TXNRD3: variants seen among roughly 807,000 people sequenced by gnomAD.
TXNRD3 encodes TXNRD3 neighbor gene protein.
TXNRD3 carries 68 observed loss-of-function variants against 78.2 expected under a neutral mutation model. The observed-to-expected ratio is 0.87, with a 90% CI of 0.72 to 1.06. The LOEUF (loss-of-function observed/expected upper bound fraction) is 1.06, where lower values mean the gene tolerates loss of function less well. Among genes scored for constraint, TXNRD3 ranks in the 50% least tolerant of loss-of-function variants. The pLI is 0.00. For synonymous variants in TXNRD3, 296 were observed against 300.1 expected, an observed-to-expected ratio of 0.99 and a Z score of 0.14; for missense variants, 751 against 809.5, an observed-to-expected ratio of 0.93 and a Z score of 0.88.
At chr3:126,630,468 G>C (rs553264448) in intron 9 of TXNRD3, among the ~76,000 whole-genome samples, 1 of 152,138 alleles carries the variant, frequency 6.6e-6, no homozygotes, top group Non-Finnish European at 1.5e-5. Flanking sequence ...ACTGAAGATG[G>C]AACATCCTTG....
intron 13 of TXNRD3, among the ~76,000 whole-genome samples, chr3:126,612,814 C>T (rs375454302): frequency 2.6e-4 from 40 of 152,320 alleles, no homozygotes; most frequent in Admixed American, 6.5e-4. Context: ...CAACTTCCAA[C>T]TTTACATTTT....
chr3:126,631,016 C>CTTATACA, intron 8 of TXNRD3, 79 bp from the exon 9 acceptor site: 1 of 1,299,954 alleles, frequency 7.7e-7, no homozygotes, highest in Non-Finnish European at 1.0e-6. Flanking sequence ...GTATAATGGT[C>CTTATACA]TTGTGATGAC....
chr3:126,630,909 G>C lies in TXNRD3; in HGVS notation c.1000C>G (p.Pro334Ala). ...GCACCCACCACTAATGTTTTGCCAG[G>C]GCAATAAGGCAGAGAAAAAAGGTCA... is the stretch of plus-strand genomic sequence containing the variant. Residue 334 changes from proline to alanine, a missense_variant, in exon 9 of 16, where the codon CCT becomes GCT. Physicochemically the swap from Pro to Ala is conservative, Grantham distance 27 (BLOSUM62 -1). Coordinates refer to ENST00000524230, the MANE Select transcript of TXNRD3 (RefSeq NM_052883.3). 5 of 1,535,818 alleles carry C rather than the reference G, an allele frequency of 3.3e-6. No individual in the cohort carries two copies. Among genetic ancestry groups the C allele is most frequent in the Non-Finnish European group, 4.4e-6 (5 of 1,146,814 alleles).
intron 10 of TXNRD3, among the ~76,000 whole-genome samples, chr3:126,628,577 C>T (rs1191162141): frequency 6.6e-6 from 1 of 151,922 alleles, no homozygotes; most frequent in Admixed American, 6.6e-5. Flanking sequence ...TTTGTGACTA[C>T]ATATAAATTA....
chr3:126,647,327 T>G (rs1176893479), intron 1 of TXNRD3, 31 bp from the exon 2 acceptor site: 2 of 1,444,444 alleles, frequency 1.4e-6, no homozygotes, highest in Non-Finnish European at 1.9e-6. Context: ...AGTTTCACTC[T>G]CAGAAAAGAT....
intron 9 of TXNRD3, among the ~76,000 whole-genome samples, 200 bp downstream of exon 9, chr3:126,630,511 TC>T (rs1038086695): frequency 2.0e-5 from 3 of 152,054 alleles, no homozygotes; most frequent in Admixed American, 6.5e-5. Flanking sequence ...ATGAGGGGAC[TC>T]AGCCTCTGAG....
intron 7 of TXNRD3, 90 bp downstream of exon 7, chr3:126,633,819 C>T (rs1938784680): frequency 9.1e-7 from 1 of 1,100,962 alleles, no homozygotes; most frequent in African/African-American, 1.6e-5. Context: ...CTGTTACACC[C>T]CTTAACATGC....
In TXNRD3 at chr3:126,611,066, C is replaced by G. The variant is rs545536726; in HGVS notation, c.1699G>C (p.Ala567Pro). Residue 567 changes from alanine to proline, a missense_variant, in exon 14 of 16, where the codon GCA becomes CCA. Coordinates refer to ENST00000524230, the MANE Select transcript of TXNRD3 (RefSeq NM_052883.3). ...TCGAATTTATTGCAGATTATCTTTGCATAACAAGTGTTGTTCTCTCTGCCA... is the reference window on the plus strand; with the variant it reads ...TCGAATTTATTGCAGATTATCTTTGGATAACAAGTGTTGTTCTCTCTGCCA... 1.3e-6 allele frequency: 2 copies of G among 1,522,242 alleles called. No individual in the cohort carries two copies. The highest frequency in any genetic ancestry group is 2.0e-5 in the Admixed American group (1 of 50,036). The allele number at this position is 1,522,242 out of a possible 1,614,324, so 94.3% of individuals were successfully genotyped here. A position where few individuals can be genotyped will look rare whatever the true frequency, so the allele number is the denominator to read the frequency against.
intron 6 of TXNRD3, among the ~76,000 whole-genome samples, chr3:126,638,364 C>T (rs1576292834): frequency 6.6e-6 from 1 of 152,114 alleles, no homozygotes; most frequent in African/African-American, 2.4e-5. Context: ...CTTCTCTTGG[C>T]CCTTTATTGA....
chr3:126,608,539 A>C lies in TXNRD3; in HGVS notation c.1823T>G (p.Leu608Arg), dbSNP rs1178412330. ...GTGAATTCCAATGGTGTCATCAAGTAGCTGTTTTGTGAGCCCACATTTCAT... is the reference window on the plus strand; with the variant it reads ...GTGAATTCCAATGGTGTCATCAAGTCGCTGTTTTGTGAGCCCACATTTCAT... The change falls in exon 15 of 16, where the codon CTA (leucine) becomes CGA (arginine). Residue 608 changes from leucine (L) to arginine (R), a missense_variant. Physicochemically the swap from Leu to Arg is moderately radical, Grantham distance 102 (BLOSUM62 -2). Coordinates refer to ENST00000524230, the MANE Select transcript of TXNRD3 (RefSeq NM_052883.3). 6.5e-7 allele frequency: 1 copy of C among 1,535,972 alleles called. No individual in the cohort carries two copies. The highest frequency in any genetic ancestry group is 2.4e-5 in the East Asian group (1 of 40,902).
At chr3:126,636,545 A>G (rs1382950912) in intron 6 of TXNRD3, among the ~76,000 whole-genome samples, 1 of 152,176 alleles carries the variant, frequency 6.6e-6, no homozygotes, top group Non-Finnish European at 1.5e-5. Context: ...ATGCCCTCAG[A>G]GCTGAAATCC....
rs1208528627 is a variant in TXNRD3 at position 126,607,342 on chromosome 3, A to G, written c.*563T>C. 2.6e-5 allele frequency: 4 copies of G among 152,322 alleles called. No homozygotes were observed. Among genetic ancestry groups the G allele is most frequent in the African/African-American group, 9.7e-5 (4 of 41,434 alleles). 9.4% of individuals were successfully genotyped at this position (152,322 alleles called of 1,614,324 possible). On this transcript the variant is annotated 3_prime_UTR_variant, in exon 16 of 16. Transcript: ENST00000524230. Reference sequence around the variant, plus strand: ...GACAGTAGGTTAAATGTGCCTCAAAAAAGAAAAGAGATGACTAACCCTACA... The same window carrying G: ...GACAGTAGGTTAAATGTGCCTCAAAGAAGAAAAGAGATGACTAACCCTACA...
intron 1 of TXNRD3, among the ~76,000 whole-genome samples, chr3:126,648,870 T>G (rs924539344): frequency 6.6e-6 from 1 of 152,210 alleles, no homozygotes; most frequent in African/African-American, 2.4e-5. Context: ...TTTGAAACTC[T>G]TGTTCATCAA....
chr3:126,654,707 G>A (rs1933469454), intron 1 of TXNRD3, 41 bp downstream of exon 1: 1 of 1,230,894 alleles, frequency 8.1e-7, no homozygotes, highest in Non-Finnish European at 1.0e-6. Flanking sequence ...CGCGTGGCGG[G>A]CCCGGTCGCG....
At position 126,644,016 on chromosome 3, in the gene TXNRD3, T is replaced by C. The variant is rs1031055662; in HGVS notation, c.557A>G (p.Asp186Gly). Residue 186 changes from aspartate (D) to glycine (G), a missense_variant, in exon 5 of 16, where the codon GAC becomes GGC. Coordinates refer to ENST00000524230, the MANE Select transcript of TXNRD3 (RefSeq NM_052883.3). Reference sequence around the variant, plus strand: ...GCCCTGAGGTGACGGGACAACAAAGTCTAGCACCATAACTTTCTTTCCCAA... The same window carrying C: ...GCCCTGAGGTGACGGGACAACAAAGCCTAGCACCATAACTTTCTTTCCCAA... 1 of 1,535,936 alleles carries C rather than the reference T, an allele frequency of 6.5e-7. No individual in the cohort carries two copies. Among genetic ancestry groups the C allele is most frequent in the African/African-American group, 1.4e-5 (1 of 73,030 alleles).
chr3:126,614,549 C>T (rs926402572), intron 13 of TXNRD3, among the ~76,000 whole-genome samples: 2 of 152,082 alleles, frequency 1.3e-5, no homozygotes, highest in African/African-American at 2.4e-5. Context: ...TAGTTATAAA[C>T]GCTGATAAAA....
chr3:126,653,144 T>C (rs1933429952), intron 1 of TXNRD3, among the ~76,000 whole-genome samples: 1 of 152,240 alleles, frequency 6.6e-6, no homozygotes, highest in Non-Finnish European at 1.5e-5. Context: ...TTTGGGTCTT[T>C]ATTTAAAAGT....
At chr3:126,650,511 T>A (rs533218022) in intron 1 of TXNRD3, among the ~76,000 whole-genome samples, 12 of 152,104 alleles carry the variant, frequency 7.9e-5, no homozygotes, top group Non-Finnish European at 1.6e-4. Flanking sequence ...TGTGGTGGCA[T>A]GCACCTGTAG....
intron 12 of TXNRD3, among the ~76,000 whole-genome samples, chr3:126,621,215 C>G (rs1018372883): frequency 6.6e-6 from 1 of 152,208 alleles, no homozygotes; most frequent in African/African-American, 2.4e-5. Context: ...GATTCACATC[C>G]TTGGCTTTGT....
Sources: allele counts gnomAD v4.1 joint callset (sites outside exome capture counted in the v4.1 genomes callset), GRCh38; gene constraint gnomAD v4.1.1; transcripts MANE v1.5; gene names NCBI Gene and HGNC (gene_info 2026-07-23, HGNC 2026-07-21).